The following DNAI4 variants were observed in gnomAD, a reference collection of about 807,000 sequenced individuals.
DNAI4 encodes the protein WD repeat domain 78.
In DNAI4, 85 loss-of-function variants were observed where a neutral mutation model predicts 105.8. The ratio of observed to expected loss-of-function variants is 0.80; its 90% confidence interval spans 0.67 to 0.96. The LOEUF is 0.96. Among genes scored for constraint, DNAI4 ranks in the 40% least tolerant of loss-of-function variants. The pLI is 0.00. For missense variants in DNAI4, 1,014 were observed against 1,005.6 expected (o/e 1.01, Z -0.11); for synonymous variants, 352 against 331.5 (o/e 1.06, Z -0.67).
chr1:66,814,206 C>CAATGCAATAA (rs1645465937), intron 16 of DNAI4, 26 bp from the exon 17 acceptor site: 1 of 1,559,536 alleles, frequency 6.4e-7, no homozygotes, highest in Non-Finnish European at 8.6e-7. Context: ...CACACAATTA[C>CAATGCAATAA]AATGCAATAA....
At chr1:66,900,003 T>C (rs1648672041) in intron 2 of DNAI4, among the ~76,000 whole-genome samples, 1 of 152,184 alleles carries the variant, frequency 6.6e-6, no homozygotes, top group Non-Finnish European at 1.5e-5. Context: ...TCATCCTACT[T>C]TGCTCTTTTT....
intron 2 of DNAI4, among the ~76,000 whole-genome samples, chr1:66,901,672 A>C (rs993519486): frequency 6.6e-6 from 1 of 152,210 alleles, no homozygotes; most frequent in Non-Finnish European, 1.5e-5. Context: ...TGATATGAAG[A>C]TGGTTGTACA....
chr1:66,835,630 T>C lies in DNAI4; in HGVS notation c.1729A>G (p.Ser577Gly). ...ATCTAATTCTCGGATTCTTACCTACTATCCAGAACTGGAACATTACTGTTG... is the reference window on the plus strand; with the variant it reads ...ATCTAATTCTCGGATTCTTACCTACCATCCAGAACTGGAACATTACTGTTG... Reference protein sequence around the residue: ...RSNSNVPVLDSSESPQKHLGP... With the variant: ...RSNSNVPVLDGSESPQKHLGP... The change falls in exon 11 of 17, where the codon AGT becomes GGT. Residue 577 changes from serine to glycine, a missense_variant. Transcript: ENST00000371026. 2 of 1,613,804 alleles carry C rather than the reference T, an allele frequency of 1.2e-6. No individual in the cohort carries two copies. Among genetic ancestry groups the C allele is most frequent in the Non-Finnish European group, 1.7e-6 (2 of 1,179,892 alleles).
At chr1:66,918,476 G>A (rs937598626) in intron 1 of DNAI4, among the ~76,000 whole-genome samples, 1 of 152,142 alleles carries the variant, frequency 6.6e-6, no homozygotes, top group African/African-American at 2.4e-5. Context: ...TTAAAGCCCT[G>A]TGAACTGAAG....
chr1:66,917,175 G>A (rs1443688768), intron 1 of DNAI4, among the ~76,000 whole-genome samples: 3 of 152,152 alleles, frequency 2.0e-5, no homozygotes, highest in Non-Finnish European at 2.9e-5. Context: ...TTGTATAAAT[G>A]TTATTGGTAT....
At chr1:66,828,588 C>T (rs1645803320) in intron 13 of DNAI4, 1 of 151,864 alleles carries the variant, frequency 6.6e-6, no homozygotes, top group African/African-American at 2.4e-5. Flanking sequence ...TTTTGTGTCC[C>T]GATAATTTTA....
At chr1:66,876,844 A>G (rs1646969100) in intron 4 of DNAI4, among the ~76,000 whole-genome samples, 1 of 152,140 alleles carries the variant, frequency 6.6e-6, no homozygotes, top group Non-Finnish European at 1.5e-5. Context: ...GGTTCTTCCC[A>G]GAGGAGGGAG....
At chr1:66,885,982 CAT>C (rs1647190789) in intron 4 of DNAI4, among the ~76,000 whole-genome samples, 1 of 152,166 alleles carries the variant, frequency 6.6e-6, no homozygotes, top group African/African-American at 2.4e-5. Context: ...TCCAATTGTG[CAT>C]ATGTTACGCC....
chr1:66,923,734 A>C (rs1650781399), intron 1 of DNAI4, among the ~76,000 whole-genome samples: 1 of 152,178 alleles, frequency 6.6e-6, no homozygotes, highest in Non-Finnish European at 1.5e-5. Flanking sequence ...AGAACTCTCA[A>C]CAAGTTCCGC....
Position 66,910,683 on chromosome 1 carries a change from T to C in DNAI4, c.171-5308A>G, listed in dbSNP as rs528654474. On this transcript the variant is annotated intron_variant, in intron 1 of 16. Transcript: ENST00000371026. ...CTCTCTCAAGTACTTCATATCTTCT[T>C]GCCTTATTTTTCTCCTTAGAACTTT... Among the ~76,000 whole-genome samples the C allele has an allele frequency of 5.3e-5, 8 of 152,364 alleles. No individual in the cohort carries two copies. In the East Asian group the frequency reaches 1.5e-3, roughly 29 times the overall value.
chr1:66,823,736 G>C (rs1011817526), intron 15 of DNAI4, among the ~76,000 whole-genome samples: 39 of 146,598 alleles, frequency 2.7e-4, no homozygotes, highest in Non-Finnish European at 5.4e-4. Flanking sequence ...CATGTCCTTC[G>C]CCCACTTTTT....
At chr1:66,917,517 A>T (rs1650156067) in intron 1 of DNAI4, among the ~76,000 whole-genome samples, 3 of 152,238 alleles carry the variant, frequency 2.0e-5, no homozygotes, top group Admixed American at 2.0e-4. Flanking sequence ...ATGACTATCA[A>T]GCAGAACAGG....
At chr1:66,865,109 T>C (rs982660152) in intron 6 of DNAI4, among the ~76,000 whole-genome samples, 4 of 152,164 alleles carry the variant, frequency 2.6e-5, no homozygotes, top group African/African-American at 7.2e-5. Context: ...AGAATTTAGA[T>C]GCAAATTAAG....
intron 1 of DNAI4, 64 bp downstream of exon 1, chr1:66,924,598 T>C (rs1293420836): frequency 6.2e-7 from 1 of 1,611,298 alleles, no homozygotes; most frequent in African/African-American, 1.3e-5. Flanking sequence ...ATGGTATCTA[T>C]TAATAGAAGG....
intron 1 of DNAI4, among the ~76,000 whole-genome samples, chr1:66,911,274 G>C (rs899955029): frequency 2.6e-5 from 4 of 152,198 alleles, no homozygotes; most frequent in Admixed American, 1.3e-4. Flanking sequence ...TACGGCAAGG[G>C]AAGAGCCAGT....
chr1:66,870,834 C>CTATGCAA (rs1646831098), intron 6 of DNAI4: 1 of 144,136 alleles, frequency 6.9e-6, no homozygotes, highest in Non-Finnish European at 1.5e-5. Flanking sequence ...CAGATTTTGG[C>CTATGCAA]TATGCAATGT....
chr1:66,832,956 T>C (rs1255435916), intron 13 of DNAI4, among the ~76,000 whole-genome samples: 1 of 152,156 alleles, frequency 6.6e-6, no homozygotes, highest in Non-Finnish European at 1.5e-5. Context: ...TGAATTGAAA[T>C]GTAGAAGACT....
At chr1:66,886,409 C>T (rs1396542520) in intron 4 of DNAI4, among the ~76,000 whole-genome samples, 2 of 152,118 alleles carry the variant, frequency 1.3e-5, no homozygotes, top group Non-Finnish European at 2.9e-5. Context: ...TTGTTAAAAG[C>T]CAGACATGTT....
chr1:66,915,617 T>G (rs1200562789), intron 1 of DNAI4, among the ~76,000 whole-genome samples: 1 of 152,172 alleles, frequency 6.6e-6, no homozygotes, highest in Non-Finnish European at 1.5e-5. Flanking sequence ...AAAAAGTTTA[T>G]ATTGTAGAAA....
Sources: gnomAD v4.1 joint callset for allele counts (sites outside exome capture counted in the v4.1 genomes callset) on GRCh38, gnomAD v4.1.1 for gene constraint, MANE v1.5 for transcripts, NCBI Gene and HGNC (gene_info 2026-07-23, HGNC 2026-07-21) for gene names.